Variants in CSNK1D observed in about 807,000 individuals in gnomAD.
CSNK1D encodes casein kinase I isoform delta.
Under a neutral mutation model 46.6 loss-of-function variants are expected in CSNK1D, and 16 were observed. The observed-to-expected ratio is 0.34, with a 90% CI of 0.23 to 0.52. The LOEUF (loss-of-function observed/expected upper bound fraction) is 0.52. Ranked by LOEUF, CSNK1D falls within the 20% of genes least tolerant of loss-of-function variation. The pLI, the probability that CSNK1D is intolerant of heterozygous loss-of-function variation, is 0.95. For synonymous variants in CSNK1D, 276 were observed against 228.2 expected (o/e 1.21, Z -1.89); for missense variants, 398 against 578.4 (o/e 0.69, Z 3.20).
rs374955482 is a variant in CSNK1D, at chr17:82,250,460, G to A, written c.886-858C>T. ...CAGGAGGGTCGCTCTGATTCCTCCC[G>A]AGGCAGCACAGCCCCGGCAGAGGGA... On this transcript the variant is annotated intron_variant, in intron 6 of 8. Transcript: ENST00000314028. This position sits in a 1 kb window ranked among gnomAD's most constrained non-coding sequence, Gnocchi z 4.6. 61 of 326,676 alleles carry A rather than the reference G, an allele frequency of 1.9e-4. No homozygotes were observed. In the East Asian group the frequency reaches 4.1e-3, roughly 22 times the overall value. 20.2% of individuals were successfully genotyped at this position (326,676 alleles called of 1,614,324 possible).
At chr17:82,267,086 A>G (rs1174012377) in intron 1 of CSNK1D, 1 of 148,282 alleles carries the variant, frequency 6.7e-6, no homozygotes, top group Non-Finnish European at 1.5e-5. Flanking sequence ...AAAAAAGGAC[A>G]CTGGATCCTT....
chr17:82,265,031 C>A (rs1005494701), intron 2 of CSNK1D, among the ~76,000 whole-genome samples: 11 of 151,898 alleles, frequency 7.2e-5, no homozygotes, highest in Non-Finnish European at 1.2e-4. Flanking sequence ...GAGCTCCTGA[C>A]CTCGTGATCC....
chr17:82,248,878 T>G lies in CSNK1D; in HGVS notation c.1194A>C (p.Ser398=). The change falls in exon 8 of 9, where the codon TCA becomes TCC. Residue 398 remains serine (S), a synonymous_variant. Transcript: ENST00000314028. This position sits in a 1 kb window ranked among gnomAD's most constrained non-coding sequence, Gnocchi z 4.1. The part of the protein sequence containing the change: ...GRQDTSRMST[S]QIPGRVASSG... ...CGCCCGGGAGCTCTGCACCTACCTG[T>G]GAGGTGGACATGCGAGAGGTATCTT... 6.2e-7 allele frequency: 1 copy of G among 1,610,084 alleles called. No individual in the cohort carries two copies. The highest frequency in any genetic ancestry group is 1.1e-5 in the South Asian group (1 of 90,234).
chr17:82,248,736 G>T lies in CSNK1D; in HGVS notation c.1197+139C>A. On this transcript the variant is annotated intron_variant, in intron 8 of 8. Transcript: ENST00000314028. The surrounding 1 kb of genome is among the most constrained non-coding windows in gnomAD (Gnocchi z 4.1). Reference sequence around the variant, plus strand: ...GAGAAGCCTCATCTGCAACCAAGACGCCACACCCTGGCGAGATTAAAAACT... The same window carrying T: ...GAGAAGCCTCATCTGCAACCAAGACTCCACACCCTGGCGAGATTAAAAACT... The T allele has an allele frequency of 1.3e-6, 2 of 1,489,198 alleles. No individual in the cohort carries two copies. The highest frequency in any genetic ancestry group is 1.8e-6 in the Non-Finnish European group (2 of 1,120,844). The allele number at this position is 1,489,198 out of a possible 1,614,324, so 92.2% of individuals were successfully genotyped here.
intron 1 of CSNK1D, among the ~76,000 whole-genome samples, chr17:82,272,856 C>A (rs2051667868): frequency 6.6e-6 from 1 of 152,182 alleles, no homozygotes; most frequent in East Asian, 1.9e-4. Context: ...GAAGCCGACG[C>A]CCGCTTCGCG....
intron 3 of CSNK1D, chr17:82,254,357 C>T (rs1203517812): frequency 3.1e-5 from 9 of 290,234 alleles, no homozygotes; most frequent in Admixed American, 6.0e-5. Flanking sequence ...TGCGCTGAGC[C>T]GCCGGGGCCT....
At chr17:82,247,096 C>T in intron 8 of CSNK1D, 1 of 985,506 alleles carries the variant, frequency 1.0e-6, no homozygotes, top group South Asian at 4.7e-5. Flanking sequence ...GAAGGCCCCC[C>T]AGGGTGTCCA....
In CSNK1D at chr17:82,243,046, C is replaced by T. The variant is rs867208552; in HGVS notation, c.*1735G>A. 9.1e-6 allele frequency: 9 copies of T among 985,444 alleles called. No homozygotes were observed. The highest frequency in any genetic ancestry group is 7.0e-5 in the African/African-American group (4 of 57,350). 61.0% of individuals were successfully genotyped at this position (985,444 alleles called of 1,614,324 possible). On this transcript the variant is annotated 3_prime_UTR_variant, in exon 9 of 9. Coordinates refer to ENST00000314028, the MANE Select transcript of CSNK1D (RefSeq NM_001893.6). ...CAGCAACAAAGAAAATCTCTTAACT[C>T]GGCTCTGACCCACCCCAACCTCCCT...
Position 82,250,132 on chromosome 17 carries a change from C to G in CSNK1D, c.886-530G>C. On this transcript the variant is annotated intron_variant, in intron 6 of 8. Coordinates refer to ENST00000314028, the MANE Select transcript of CSNK1D (RefSeq NM_001893.6). This position sits in a 1 kb window ranked among gnomAD's most constrained non-coding sequence, Gnocchi z 4.6. ...GGCAGCCGGATCTGTGCTGCACTATCCAGATGCACGGGGGTGGGGAGGTCA... is the reference window on the plus strand; with the variant it reads ...GGCAGCCGGATCTGTGCTGCACTATGCAGATGCACGGGGGTGGGGAGGTCA... 2 of 1,290,564 alleles carry G rather than the reference C, an allele frequency of 1.5e-6. No individual in the cohort carries two copies. Among genetic ancestry groups the G allele is most frequent in the South Asian group, 1.2e-5 (1 of 81,030 alleles). The allele number at this position is 1,290,564 out of a possible 1,614,324, so 79.9% of individuals were successfully genotyped here.
intron 2 of CSNK1D, among the ~76,000 whole-genome samples, chr17:82,256,426 T>C (rs1446920327): frequency 6.7e-6 from 1 of 150,168 alleles, no homozygotes; most frequent in East Asian, 2.0e-4. Flanking sequence ...GGCAAGAGGA[T>C]CACTTGAGCC....
rs2051056642 is a variant in CSNK1D at position 82,253,164 on chromosome 17, C to T, written c.417G>A (p.Gly139=). 3 of 1,614,096 alleles carry T rather than the reference C, an allele frequency of 1.9e-6. No individual in the cohort carries two copies. In the Admixed American group the frequency reaches 5.0e-5, roughly 27 times the overall value. ...VKPDNFLMGL[G]KKGNLVYIID... is the part of the protein sequence containing the mutation. ...TGATGTACACCAGGTTGCCCTTCTT[C>T]CCCAGGCCCATGAGGAAGTTGTCTG... The change falls in exon 4 of 9, where the codon GGG becomes GGA. Residue 139 remains glycine, a synonymous_variant. Transcript: ENST00000314028.
At position 82,273,544 on chromosome 17, in the gene CSNK1D, C is replaced by G. The variant is rs374762668; in HGVS notation, c.-163G>C. 4.0e-5 allele frequency: 34 copies of G among 848,708 alleles called. No individual in the cohort carries two copies. The East Asian group carries it at 6.2e-4, about 16-fold the overall frequency. The allele number at this position is 848,708 out of a possible 1,614,324, so 52.6% of individuals were successfully genotyped here. On this transcript the variant is annotated 5_prime_UTR_variant, in exon 1 of 9. Coordinates refer to ENST00000314028, the MANE Select transcript of CSNK1D (RefSeq NM_001893.6). This position sits in a 1 kb window ranked among gnomAD's most constrained non-coding sequence, Gnocchi z 5.1. The stretch of plus-strand genomic sequence containing the variant: ...TTTCCTGTCGCCCCGCCGCTCCCAG[C>G]GCCTCAATACGGGGCGGATGGGACA...
chr17:82,245,028 C>T (rs997622888), intron 8 of CSNK1D, 197 bp from the exon 9 acceptor site: 11 of 697,986 alleles, frequency 1.6e-5, no homozygotes, highest in East Asian at 2.7e-5. Context: ...GACAGGAAGA[C>T]GGGAAGGAGG....
At chr17:82,242,218 G>GC (rs1198783570), downstream of CSNK1D, among the ~76,000 whole-genome samples, 1 of 151,668 alleles carries the variant, frequency 6.6e-6, no homozygotes, top group African/African-American at 2.4e-5. Context: ...GCTCTGGGGG[G>GC]GGGGGGAAGA....
At chr17:82,239,092 GC>G, downstream of CSNK1D, 1 of 1,043,162 alleles carries the variant, frequency 9.6e-7, no homozygotes, top group Non-Finnish European at 1.3e-6. Flanking sequence ...CCAGCTGCCG[GC>G]CCAGCGGATC....
intron 1 of CSNK1D, among the ~76,000 whole-genome samples, chr17:82,268,773 A>C (rs2051542866): frequency 6.6e-6 from 1 of 152,106 alleles, no homozygotes; most frequent in Non-Finnish European, 1.5e-5. Context: ...ACAAAAACAA[A>C]ATTACGTCCC....
chr17:82,268,388 C>T lies in CSNK1D; in HGVS notation c.77-2592G>A, dbSNP rs953582255. 5.9e-5 allele frequency among the ~76,000 whole-genome samples: 9 copies of T among 152,266 alleles called. 1 individual carries two copies. The highest frequency in any genetic ancestry group is 1.4e-4 in the African/African-American group (6 of 41,474). On this transcript the variant is annotated intron_variant, in intron 1 of 8. Transcript: ENST00000314028. ...TCAGATCCTCAAGCTGCCATCAGTGCACAAGGCAGCACAGAGGCGCTCAGT... is the reference window on the plus strand; with the variant it reads ...TCAGATCCTCAAGCTGCCATCAGTGTACAAGGCAGCACAGAGGCGCTCAGT...
In CSNK1D at chr17:82,268,939, CA is replaced by C. The variant is rs113389771; in HGVS notation, c.77-3144del. Among the ~76,000 whole-genome samples the C allele has an allele frequency of 9.6e-4, 146 of 151,452 alleles. 1 individual carries two copies. The highest frequency in any genetic ancestry group is 3.2e-3 in the African/African-American group (133 of 41,300). ...TGAAACCCCGTCCCTACTATAAATA[CA>C]AAAAAAATTAGCCAGGCATGCTGGT... On this transcript the variant is annotated intron_variant, in intron 1 of 8. Transcript: ENST00000314028.
intron 8 of CSNK1D, chr17:82,245,302 C>T (rs368603409): frequency 1.8e-5 from 5 of 285,608 alleles, no homozygotes; most frequent in African/African-American, 4.4e-5. Flanking sequence ...GCCGAGCGCG[C>T]GTGGCCGCCG....
Sources: allele counts gnomAD v4.1 joint callset (sites outside exome capture counted in the v4.1 genomes callset), GRCh38; gene constraint gnomAD v4.1.1; non-coding constraint Gnocchi (gnomAD v3.1); transcripts MANE v1.5; gene names NCBI Gene and HGNC (gene_info 2026-07-23, HGNC 2026-07-21).